CMPK1: variants seen among roughly 807,000 people sequenced by gnomAD.
The protein encoded by CMPK1 is UMP-CMP kinase.
CMPK1 carries 10 observed loss-of-function variants against 25.7 expected under a neutral mutation model. The observed-to-expected ratio is 0.39, with a 90% CI of 0.24 to 0.66. CMPK1 has a LOEUF of 0.66. Ranked by LOEUF, CMPK1 falls within the 30% of genes least tolerant of loss-of-function variation. The probability of loss-of-function intolerance (pLI) is 0.48; values close to 1 mark genes in which losing one functional copy is unlikely to be tolerated. For synonymous variants in CMPK1, 106 were observed against 101.5 expected, an observed-to-expected ratio of 1.04 and a Z score of -0.27; for missense variants, 199 against 280.5, an observed-to-expected ratio of 0.71 and a Z score of 2.08.
At chr1:47,374,139 C>T (rs1358003500) in intron 3 of CMPK1, among the ~76,000 whole-genome samples, 1 of 152,216 alleles carries the variant, frequency 6.6e-6, no homozygotes, top group Non-Finnish European at 1.5e-5. Flanking sequence ...TCTTAGCTCA[C>T]TGCAACCTCC....
intron 1 of CMPK1, among the ~76,000 whole-genome samples, chr1:47,348,471 A>G (rs547132346): frequency 5.3e-5 from 8 of 152,294 alleles, no homozygotes; most frequent in Middle Eastern, 3.4e-3. Context: ...GTTTGCTGAC[A>G]GTTTTATGCT....
At chr1:47,339,206 T>G (rs1406442180) in intron 1 of CMPK1, among the ~76,000 whole-genome samples, 2 of 152,062 alleles carry the variant, frequency 1.3e-5, no homozygotes, top group African/African-American at 4.8e-5. Flanking sequence ...CCACCATGAA[T>G]GCCATGTTGG....
intron 4 of CMPK1, 65 bp downstream of exon 4, chr1:47,375,050 A>C: frequency 7.2e-7 from 1 of 1,385,522 alleles, no homozygotes; most frequent in Non-Finnish European, 1.0e-6. Context: ...TACAGGAATA[A>C]AAGAGTCACA....
At chr1:47,374,780 A>G in intron 3 of CMPK1, 129 bp from the exon 4 acceptor site, 2 of 593,520 alleles carry the variant, frequency 3.4e-6, no homozygotes, top group South Asian at 4.7e-5. Flanking sequence ...CATGTTGATT[A>G]ATGAATTAGA....
chr1:47,362,582 A>C (rs1481194500), intron 1 of CMPK1, among the ~76,000 whole-genome samples: 1 of 152,198 alleles, frequency 6.6e-6, no homozygotes. Flanking sequence ...CCTCCTGAGT[A>C]GCTGGGATTA....
At chr1:47,370,410 A>AG (rs1491216841) in intron 2 of CMPK1, among the ~76,000 whole-genome samples, 1 of 149,250 alleles carries the variant, frequency 6.7e-6, no homozygotes, top group East Asian at 2.1e-4. Context: ...AGGCCGAGGC[A>AG]GGGGGATCAC....
intron 2 of CMPK1, among the ~76,000 whole-genome samples, chr1:47,369,878 A>G (rs535005586): frequency 1.5e-5 from 2 of 132,896 alleles, no homozygotes; most frequent in Non-Finnish European, 3.2e-5. Flanking sequence ...TTTTTTTTTT[A>G]AATAAACCTC....
At chr1:47,344,653 C>G (rs143569637) in intron 1 of CMPK1, among the ~76,000 whole-genome samples, 4 of 151,832 alleles carry the variant, frequency 2.6e-5, no homozygotes, top group Admixed American at 2.0e-4. Flanking sequence ...CACACACCAC[C>G]ATACCTGGCT....
chr1:47,355,468 CTATG>C (rs1314644999), intron 1 of CMPK1, among the ~76,000 whole-genome samples: 2 of 150,704 alleles, frequency 1.3e-5, no homozygotes, highest in South Asian at 2.1e-4. Context: ...GCATGCACCA[CTATG>C]CCCAGCTAAT....
chr1:47,374,707 T>G (rs1646696358), intron 3 of CMPK1, among the ~76,000 whole-genome samples: 1 of 152,228 alleles, frequency 6.6e-6, no homozygotes, highest in Non-Finnish European at 1.5e-5. Context: ...CTTATTATGC[T>G]CTGTACTTAT....
intron 2 of CMPK1, among the ~76,000 whole-genome samples, chr1:47,371,641 T>G (rs1419181807): frequency 2.6e-5 from 4 of 152,220 alleles, no homozygotes; most frequent in Non-Finnish European, 4.4e-5. Flanking sequence ...CCATGATGCT[T>G]CTCAGGGTTT....
At chr1:47,362,345 AT>A (rs1324288336) in intron 1 of CMPK1, among the ~76,000 whole-genome samples, 4 of 135,488 alleles carry the variant, frequency 3.0e-5, no homozygotes, top group Admixed American at 1.5e-4. Flanking sequence ...AATTTTTTGT[AT>A]TTTTAGTAGA....
intron 1 of CMPK1, among the ~76,000 whole-genome samples, chr1:47,340,164 T>C (rs1373882017): frequency 6.6e-6 from 1 of 151,292 alleles, no homozygotes; most frequent in Non-Finnish European, 1.5e-5. Context: ...TCATTCTCAC[T>C]GCAGCCTCCA....
intron 1 of CMPK1, among the ~76,000 whole-genome samples, chr1:47,342,657 T>C (rs1325617951): frequency 1.4e-5 from 2 of 147,204 alleles, no homozygotes; most frequent in Middle Eastern, 3.2e-3. Flanking sequence ...TTCTTTTTTT[T>C]TTTTTTTTTT....
At chr1:47,341,515 T>G (rs2149325080) in intron 1 of CMPK1, among the ~76,000 whole-genome samples, 1 of 152,226 alleles carries the variant, frequency 6.6e-6, no homozygotes, top group African/African-American at 2.4e-5. Flanking sequence ...ATTACAGGTG[T>G]GTGCTACCAC....
intron 1 of CMPK1, among the ~76,000 whole-genome samples, chr1:47,349,320 G>T (rs1172281477): frequency 6.6e-6 from 1 of 152,140 alleles, no homozygotes; most frequent in Non-Finnish European, 1.5e-5. Flanking sequence ...TGAGAGTGAG[G>T]AGACCTGGAT....
At chr1:47,365,753 C>A (rs1364335187) in intron 1 of CMPK1, among the ~76,000 whole-genome samples, 1 of 151,690 alleles carries the variant, frequency 6.6e-6, no homozygotes, top group African/African-American at 2.4e-5. Flanking sequence ...TTGTTGTGAA[C>A]ATGGTGCTTT....
At chr1:47,334,408 G>C (rs1010390978) in intron 1 of CMPK1, among the ~76,000 whole-genome samples, 1 of 152,206 alleles carries the variant, frequency 6.6e-6, no homozygotes, top group Non-Finnish European at 1.5e-5. Context: ...GGCTGGGAGA[G>C]GGATCCCGGA....
intron 1 of CMPK1, among the ~76,000 whole-genome samples, chr1:47,339,301 C>T (rs959211012): frequency 4.6e-5 from 7 of 152,262 alleles, no homozygotes; most frequent in East Asian, 1.9e-4. Context: ...TGAGCCTTTG[C>T]GCCTGGCCTC....
Sources: gnomAD v4.1 joint callset for allele counts (sites outside exome capture counted in the v4.1 genomes callset) on GRCh38, gnomAD v4.1.1 for gene constraint, MANE v1.5 for transcripts, NCBI Gene and HGNC (gene_info 2026-07-23, HGNC 2026-07-21) for gene names.